Variants in NKAIN2 observed in about 807,000 individuals in gnomAD.
NKAIN2 encodes the protein sodium/potassium transporting ATPase interacting 2, also known as sodium/potassium-transporting ATPase subunit beta-1-interacting protein 2.
Under a neutral mutation model 32.6 loss-of-function variants are expected in NKAIN2, and 14 were observed. The ratio of observed to expected loss-of-function variants is 0.43; its 90% CI spans 0.28 to 0.67. The LOEUF (loss-of-function observed/expected upper bound fraction) is 0.67, where lower values mean the gene tolerates loss of function less well. Among genes scored for constraint, NKAIN2 ranks in the 30% least tolerant of loss-of-function variants. NKAIN2 has a pLI of 0.17. For synonymous variants in NKAIN2, 80 were observed against 87.2 expected (o/e 0.92, Z 0.46); for missense variants, 198 against 258.3 (o/e 0.77, Z 1.60).
chr6:124,031,244 T>C (rs1190374162), intron 1 of NKAIN2, among the ~76,000 whole-genome samples: 1 of 151,934 alleles, frequency 6.6e-6, no homozygotes, highest in Admixed American at 6.6e-5. Flanking sequence ...TTAAATAGAG[T>C]GCTGGTGATT....
chr6:124,261,800 C>T (rs1485930346), intron 1 of NKAIN2, among the ~76,000 whole-genome samples: 1 of 149,782 alleles, frequency 6.7e-6, no homozygotes, highest in Non-Finnish European at 1.5e-5. Context: ...GCAGAGATTG[C>T]AGTGAGCCAA....
intron 1 of NKAIN2, among the ~76,000 whole-genome samples, chr6:124,230,759 T>C (rs1296163179): frequency 6.6e-6 from 1 of 152,194 alleles, no homozygotes; most frequent in Non-Finnish European, 1.5e-5. Context: ...TCTGCCTAGA[T>C]GGCAGATGAT....
chr6:124,572,963 C>A (rs1781184982), intron 3 of NKAIN2, among the ~76,000 whole-genome samples: 1 of 151,972 alleles, frequency 6.6e-6, no homozygotes, highest in Non-Finnish European at 1.5e-5. Context: ...CCTCAGCCTC[C>A]CAAGTAGCTG....
At chr6:123,902,583 C>T (rs1380103760) in intron 1 of NKAIN2, among the ~76,000 whole-genome samples, 1 of 152,076 alleles carries the variant, frequency 6.6e-6, no homozygotes, top group Non-Finnish European at 1.5e-5. Context: ...TAAACATTAG[C>T]ACAAAATTTG....
At chr6:124,009,214 T>G (rs974737418) in intron 1 of NKAIN2, among the ~76,000 whole-genome samples, 1 of 152,140 alleles carries the variant, frequency 6.6e-6, no homozygotes, top group Non-Finnish European at 1.5e-5. Flanking sequence ...TCTCTCTGTT[T>G]GGTCTCTCTC....
chr6:124,394,539 T>C (rs767643207), intron 3 of NKAIN2, among the ~76,000 whole-genome samples: 3 of 150,806 alleles, frequency 2.0e-5, no homozygotes, highest in Admixed American at 1.3e-4. Context: ...GATAGATACA[T>C]AGACAGTATA....
chr6:124,023,489 C>A (rs1413019154), intron 1 of NKAIN2, among the ~76,000 whole-genome samples: 1 of 152,042 alleles, frequency 6.6e-6, no homozygotes, highest in African/African-American at 2.4e-5. Context: ...CTGCTCTGTG[C>A]CTTAAAATTT....
chr6:123,919,452 A>G (rs1386128853), intron 1 of NKAIN2, among the ~76,000 whole-genome samples: 2 of 152,180 alleles, frequency 1.3e-5, no homozygotes, highest in African/African-American at 2.4e-5. Flanking sequence ...AGTTACTATT[A>G]ACTGCAATGT....
chr6:123,896,875 A>C (rs931433016), intron 1 of NKAIN2, among the ~76,000 whole-genome samples: 1 of 152,166 alleles, frequency 6.6e-6, no homozygotes, highest in African/African-American at 2.4e-5. Flanking sequence ...ACCGTGAAAC[A>C]CTGAAACTCA....
In NKAIN2 at chr6:124,087,442, G is replaced by A. The variant is rs564665537; in HGVS notation, c.55-195563G>A. ...TAGCTTATTCAGTAAGAGAAGAAAA[G>A]GGAAAAAAAATGTATATACATTGGA... On this transcript the variant is annotated intron_variant, in intron 1 of 6. Coordinates refer to ENST00000368417, the MANE Select transcript of NKAIN2 (RefSeq NM_001040214.3). 2.2e-4 allele frequency among the ~76,000 whole-genome samples: 34 copies of A among 151,330 alleles called. No homozygotes were observed. In the East Asian group the frequency reaches 5.1e-3, roughly 23 times the overall value.
chr6:124,144,528 A>C (rs1787295727), intron 1 of NKAIN2, among the ~76,000 whole-genome samples: 1 of 152,214 alleles, frequency 6.6e-6, no homozygotes, highest in Non-Finnish European at 1.5e-5. Context: ...AAAACAATTA[A>C]ATGTAGGGAG....
At chr6:123,834,863 C>T (rs1025375665) in intron 1 of NKAIN2, among the ~76,000 whole-genome samples, 2 of 152,118 alleles carry the variant, frequency 1.3e-5, no homozygotes, top group Non-Finnish European at 2.9e-5. Context: ...ATGTAATGGA[C>T]TACATGAGTT....
At chr6:123,893,090 C>T (rs1220251794) in intron 1 of NKAIN2, among the ~76,000 whole-genome samples, 2 of 152,064 alleles carry the variant, frequency 1.3e-5, no homozygotes, top group Admixed American at 6.6e-5. Context: ...TCTTACTGCT[C>T]TTTCACTGAA....
At chr6:124,220,577 AT>A (rs1240128439) in intron 1 of NKAIN2, among the ~76,000 whole-genome samples, 1 of 150,822 alleles carries the variant, frequency 6.6e-6, no homozygotes, top group Admixed American at 6.6e-5. Flanking sequence ...TACATCTTAA[AT>A]TTTTTTCTTA....
intron 3 of NKAIN2, among the ~76,000 whole-genome samples, chr6:124,497,348 T>C (rs1778100250): frequency 6.6e-6 from 1 of 152,172 alleles, no homozygotes; most frequent in Admixed American, 6.6e-5. Context: ...TCATATTTAA[T>C]TTTTTTCTTA....
chr6:123,991,156 A>G (rs1779393428), intron 1 of NKAIN2, among the ~76,000 whole-genome samples: 1 of 152,188 alleles, frequency 6.6e-6, no homozygotes, highest in South Asian at 2.1e-4. Flanking sequence ...AAAAAGATTG[A>G]CTTGAGCCAA....
intron 1 of NKAIN2, among the ~76,000 whole-genome samples, chr6:123,821,745 C>T (rs1187107964): frequency 6.6e-6 from 1 of 152,024 alleles, no homozygotes; most frequent in East Asian, 1.9e-4. Context: ...ATGAGGGAGC[C>T]GTGAAGTTCA....
chr6:124,071,873 G>T (rs1783484770), intron 1 of NKAIN2, among the ~76,000 whole-genome samples: 2 of 152,124 alleles, frequency 1.3e-5, no homozygotes, highest in African/African-American at 4.8e-5. Context: ...ATACATTATT[G>T]GTGGGAATGT....
At position 124,234,505 on chromosome 6, in the gene NKAIN2, A is replaced by G. The variant is rs75938255; in HGVS notation, c.55-48500A>G. Among the ~76,000 whole-genome samples the G allele has an allele frequency of 7.5e-3, 1,148 of 152,172 alleles. 15 individuals are homozygous for G. The highest frequency in any genetic ancestry group is 0.027 in the African/African-American group (1,115 of 41,530). ...GTATGCATACAATATGCTCTTTATA[A>G]ATATAGAAACCATATTCTTATTTAT... On this transcript the variant is annotated intron_variant, in intron 1 of 6. Coordinates refer to ENST00000368417, the MANE Select transcript of NKAIN2 (RefSeq NM_001040214.3).
Sources: gnomAD v4.1 joint callset for allele counts (sites outside exome capture counted in the v4.1 genomes callset) on GRCh38, gnomAD v4.1.1 for gene constraint, MANE v1.5 for transcripts, NCBI Gene and HGNC (gene_info 2026-07-23, HGNC 2026-07-21) for gene names.